Variants in ADAM23 observed in about 807,000 individuals in gnomAD.
ADAM23 encodes the protein ADAM metallopeptidase domain 23, also known as disintegrin and metalloproteinase domain-containing protein 23.
Under a neutral mutation model 120.1 loss-of-function variants are expected in ADAM23, and 33 were observed. The ratio of observed to expected loss-of-function variants is 0.27; its 90% CI spans 0.21 to 0.37. The LOEUF (loss-of-function observed/expected upper bound fraction) is 0.37. ADAM23 is among the 10% of genes least tolerant of loss of function. ADAM23 has a pLI of 1.00. For synonymous variants in ADAM23, 367 were observed against 375.2 expected (o/e 0.98, Z 0.25); for missense variants, 862 against 1,058.2 (o/e 0.81, Z 2.57).
intron 3 of ADAM23, among the ~76,000 whole-genome samples, chr2:206,514,017 A>G (rs1228502177): frequency 6.6e-6 from 1 of 152,210 alleles, no homozygotes; most frequent in Non-Finnish European, 1.5e-5. Context: ...ATTACTGCTC[A>G]TTGACAATGC....
intron 3 of ADAM23, among the ~76,000 whole-genome samples, chr2:206,517,253 A>G (rs1696754008): frequency 6.6e-6 from 1 of 152,112 alleles, no homozygotes; most frequent in African/African-American, 2.4e-5. Context: ...CTTCACAGAT[A>G]CTTATCTGCA....
chr2:206,571,654 G>A, intron 16 of ADAM23, 73 bp from the exon 17 acceptor site: 1 of 1,033,978 alleles, frequency 9.7e-7, no homozygotes, highest in Non-Finnish European at 1.5e-6. Flanking sequence ...GAATATGCAT[G>A]CCACGTGTGG....
chr2:206,568,704 A>G (rs1391870098), intron 15 of ADAM23, among the ~76,000 whole-genome samples: 1 of 152,214 alleles, frequency 6.6e-6, no homozygotes, highest in African/African-American at 2.4e-5. Context: ...AACATGGCAA[A>G]TTTCGTATTT....
At chr2:206,577,297 A>G (rs554840005) in intron 18 of ADAM23, among the ~76,000 whole-genome samples, 1 of 149,162 alleles carries the variant, frequency 6.7e-6, no homozygotes, top group East Asian at 2.0e-4. Flanking sequence ...GTTTTAGGGT[A>G]CATGTGCACA....
At chr2:206,604,522 G>T (rs1164116167) in intron 24 of ADAM23, among the ~76,000 whole-genome samples, 1 of 151,726 alleles carries the variant, frequency 6.6e-6, no homozygotes, top group South Asian at 2.1e-4. Flanking sequence ...CAACACTCTC[G>T]GGGGACTTTT....
intron 24 of ADAM23, chr2:206,605,917 G>A: frequency 1.6e-6 from 1 of 629,570 alleles, no homozygotes; most frequent in Middle Eastern, 2.5e-4. Flanking sequence ...GTTTCTGTGT[G>A]GTGCCTGATG....
chr2:206,505,496 A>C (rs1328898714), intron 3 of ADAM23, among the ~76,000 whole-genome samples: 2 of 152,224 alleles, frequency 1.3e-5, no homozygotes, highest in East Asian at 3.9e-4. Flanking sequence ...ATGGCTGGGG[A>C]GGCCTCAGGA....
chr2:206,515,134 T>C (rs1252279413), intron 3 of ADAM23, among the ~76,000 whole-genome samples: 1 of 152,152 alleles, frequency 6.6e-6, no homozygotes, highest in Non-Finnish European at 1.5e-5. Context: ...TTATCATCCA[T>C]GAATTTCACC....
chr2:206,471,817 G>T (rs1204813909), intron 2 of ADAM23, among the ~76,000 whole-genome samples: 1 of 151,986 alleles, frequency 6.6e-6, no homozygotes, highest in Non-Finnish European at 1.5e-5. Flanking sequence ...TACTATTCAG[G>T]AAGGCAGTTA....
chr2:206,540,022 T>C (rs1259965500), intron 4 of ADAM23, among the ~76,000 whole-genome samples: 1 of 152,030 alleles, frequency 6.6e-6, no homozygotes, highest in Non-Finnish European at 1.5e-5. Flanking sequence ...TTTAAAAAAA[T>C]ACAGTGATTC....
At chr2:206,600,995 C>A (rs924901470) in intron 24 of ADAM23, among the ~76,000 whole-genome samples, 2 of 152,100 alleles carry the variant, frequency 1.3e-5, no homozygotes, top group African/African-American at 4.8e-5. Context: ...CCACTGAAAT[C>A]ATTATAGAAA....
chr2:206,452,006 A>G (rs541348992), intron 2 of ADAM23, among the ~76,000 whole-genome samples: 4 of 152,340 alleles, frequency 2.6e-5, no homozygotes, highest in Admixed American at 2.0e-4. Flanking sequence ...GAAGATAAAA[A>G]GGCATAATAT....
chr2:206,462,344 T>C lies in ADAM23; in HGVS notation c.432+16820T>C, dbSNP rs192939722. ...CTCTCCCAGCACGCCCCAAAGGCTG[T>C]TACATTTCTGTTTTTAGTTCTCACA... On this transcript the variant is annotated intron_variant, in intron 2 of 25. Coordinates refer to ENST00000264377, the MANE Select transcript of ADAM23 (RefSeq NM_003812.4). Among the ~76,000 whole-genome samples the C allele has an allele frequency of 3.0e-4, 46 of 152,340 alleles. 1 individual carries two copies. Among genetic ancestry groups the C allele is most frequent in the African/African-American group, 8.7e-4 (36 of 41,568 alleles).
intron 17 of ADAM23, among the ~76,000 whole-genome samples, chr2:206,572,285 A>G (rs1344365398): frequency 2.6e-5 from 4 of 152,208 alleles, no homozygotes; most frequent in African/African-American, 9.6e-5. Context: ...GGAAAGTAAC[A>G]TATGAATGCA....
intron 3 of ADAM23, among the ~76,000 whole-genome samples, chr2:206,524,593 C>T (rs1696907080): frequency 6.6e-6 from 1 of 152,218 alleles, no homozygotes; most frequent in African/African-American, 2.4e-5. Flanking sequence ...AGGGAGGCCC[C>T]ACAATCATGG....
intron 9 of ADAM23, among the ~76,000 whole-genome samples, chr2:206,556,718 C>T (rs967274678): frequency 9.2e-5 from 14 of 152,188 alleles, no homozygotes; most frequent in African/African-American, 2.9e-4. Context: ...CATAAACTCT[C>T]AGCACACTTC....
chr2:206,591,790 G>A (rs1197531227), intron 21 of ADAM23, among the ~76,000 whole-genome samples: 1 of 152,082 alleles, frequency 6.6e-6, no homozygotes, highest in Non-Finnish European at 1.5e-5. Context: ...GAATTTTATT[G>A]TACCATATTT....
chr2:206,471,755 G>T (rs1421708389), intron 2 of ADAM23, among the ~76,000 whole-genome samples: 1 of 152,046 alleles, frequency 6.6e-6, no homozygotes, highest in Admixed American at 6.6e-5. Context: ...CGAGGAAAAA[G>T]AACAAGGTGA....
At chr2:206,465,040 C>A (rs903755679) in intron 2 of ADAM23, among the ~76,000 whole-genome samples, 1 of 151,936 alleles carries the variant, frequency 6.6e-6, no homozygotes, top group Non-Finnish European at 1.5e-5. Context: ...AGTACTACAA[C>A]ATTTTCTTTC....
Sources: allele counts gnomAD v4.1 joint callset (sites outside exome capture counted in the v4.1 genomes callset), GRCh38; gene constraint gnomAD v4.1.1; transcripts MANE v1.5; gene names NCBI Gene and HGNC (gene_info 2026-07-23, HGNC 2026-07-21).